Variants in USH2A observed in about 807,000 individuals in gnomAD.
USH2A encodes the protein Usher syndrome 2A (autosomal recessive, mild).
USH2A carries 443 observed loss-of-function variants against 538.9 expected under a neutral mutation model. That is an observed-to-expected ratio of 0.82 (90% confidence interval 0.76 to 0.89). The LOEUF (loss-of-function observed/expected upper bound fraction) is 0.89, where lower values mean the gene tolerates loss of function less well. Among genes scored for constraint, USH2A ranks in the 40% least tolerant of loss-of-function variants. USH2A has a pLI of 0.00. For missense variants in USH2A, 6,633 were observed against 6,324.8 expected, an observed-to-expected ratio of 1.05 and a Z score of -1.65; for synonymous variants, 2,413 against 2,273.5, an observed-to-expected ratio of 1.06 and a Z score of -1.75.
In USH2A at chr1:215,743,267, C is replaced by A; in HGVS notation, c.11458G>T (p.Ala3820Ser). ...LLNDGSVTPL[A>S]FSVGHHQSTL... Reference sequence around the variant, plus strand: ...GATTGATGATGACCAACGGAGAAGGCCAGAGGTGTTACACTTCCATCATTG... The same window carrying A: ...GATTGATGATGACCAACGGAGAAGGACAGAGGTGTTACACTTCCATCATTG... Residue 3820 changes from alanine (A) to serine (S), a missense_variant, in exon 59 of 72, where the codon GCC (alanine) becomes TCC (serine). Ala to Ser is a moderately conservative substitution (Grantham distance 99). Coordinates refer to ENST00000307340, the MANE Select transcript of USH2A (RefSeq NM_206933.4). The A allele has an allele frequency of 6.2e-7, 1 of 1,610,848 alleles. No individual in the cohort carries two copies.
chr1:216,362,512 C>T (rs1295921911), intron 4 of USH2A, among the ~76,000 whole-genome samples: 2 of 152,146 alleles, frequency 1.3e-5, no homozygotes, highest in South Asian at 2.1e-4. Context: ...CACAACCTTT[C>T]TGGAGGTAGC....
At chr1:215,982,368 A>G (rs1283385858) in intron 35 of USH2A, among the ~76,000 whole-genome samples, 1 of 152,222 alleles carries the variant, frequency 6.6e-6, no homozygotes, top group Non-Finnish European at 1.5e-5. Context: ...TTTACTTGCT[A>G]TAGGAAGCTC....
chr1:216,409,113 A>T lies in USH2A; in HGVS notation c.651+9401T>A, dbSNP rs536816272. Among the ~76,000 whole-genome samples the T allele has an allele frequency of 1.2e-4, 18 of 152,154 alleles. No individual in the cohort carries two copies. The South Asian group carries it at 3.7e-3, about 32-fold the overall frequency. ...CTACTAAATAGATTTGATTAGAAGC[A>T]GGTGAAACAATCGCCACAAAAAGAA... On this transcript the variant is annotated intron_variant, in intron 3 of 71. Coordinates refer to ENST00000307340, the MANE Select transcript of USH2A (RefSeq NM_206933.4).
chr1:216,233,954 A>G (rs527315376), intron 13 of USH2A, among the ~76,000 whole-genome samples: 1 of 152,334 alleles, frequency 6.6e-6, no homozygotes, highest in East Asian at 1.9e-4. Flanking sequence ...AAAGAATTTT[A>G]CTGAAACAAT....
At chr1:215,945,858 G>A (rs1666746772) in intron 37 of USH2A, among the ~76,000 whole-genome samples, 1 of 152,080 alleles carries the variant, frequency 6.6e-6, no homozygotes, top group African/African-American at 2.4e-5. Context: ...AATTGGAGTA[G>A]CTCACCCAAG....
intron 32 of USH2A, among the ~76,000 whole-genome samples, chr1:216,001,769 G>A (rs1668269980): frequency 6.6e-6 from 1 of 152,046 alleles, no homozygotes; most frequent in South Asian, 2.1e-4. Context: ...AAGTAAACTG[G>A]GGAAAGAACA....
chr1:215,662,891 A>G (rs1443623206), intron 64 of USH2A, among the ~76,000 whole-genome samples: 2 of 152,246 alleles, frequency 1.3e-5, no homozygotes, highest in Non-Finnish European at 2.9e-5. Flanking sequence ...AATGTGTTCA[A>G]TATGTTTTCT....
At chr1:216,065,912 A>T (rs953404324) in intron 30 of USH2A, among the ~76,000 whole-genome samples, 2 of 152,034 alleles carry the variant, frequency 1.3e-5, no homozygotes, top group Non-Finnish European at 2.9e-5. Context: ...ATAAAAAAAT[A>T]AAATAAAATA....
chr1:216,173,696 C>T (rs568398226), intron 21 of USH2A, among the ~76,000 whole-genome samples: 140 of 152,202 alleles, frequency 9.2e-4, no homozygotes, highest in Non-Finnish European at 1.6e-3. Flanking sequence ...TAACGGTGGA[C>T]GGGCCATTCT....
At chr1:216,284,254 C>G (rs111480584) in intron 11 of USH2A, among the ~76,000 whole-genome samples, 3,485 of 152,122 alleles carry the variant, frequency 0.023, 122 homozygotes, top group African/African-American at 0.074. Flanking sequence ...AATTGTAGTT[C>G]CCATAATCCC....
At chr1:216,400,919 A>C (rs2039293241) in intron 3 of USH2A, among the ~76,000 whole-genome samples, 1 of 152,160 alleles carries the variant, frequency 6.6e-6, no homozygotes, top group Non-Finnish European at 1.5e-5. Flanking sequence ...CATCAAACCC[A>C]TTCTTAAAGG....
At chr1:216,012,876 T>C (rs1400874195) in intron 32 of USH2A, among the ~76,000 whole-genome samples, 3 of 152,194 alleles carry the variant, frequency 2.0e-5, no homozygotes, top group East Asian at 3.9e-4. Flanking sequence ...ACTTAGACTG[T>C]GCCCCAAAAA....
intron 21 of USH2A, among the ~76,000 whole-genome samples, chr1:216,168,458 C>T (rs551504898): frequency 2.0e-5 from 3 of 152,238 alleles, no homozygotes; most frequent in South Asian, 2.1e-4. Context: ...CTCTATCTTA[C>T]TTATAAACTC....
At chr1:216,189,536 T>C (rs1442571252) in intron 20 of USH2A, among the ~76,000 whole-genome samples, 2 of 151,828 alleles carry the variant, frequency 1.3e-5, no homozygotes, top group African/African-American at 2.4e-5. Context: ...TGTAATCAGG[T>C]TTGTATGAAT....
chr1:216,073,848 T>C (rs1471708574), intron 27 of USH2A, among the ~76,000 whole-genome samples: 2 of 152,256 alleles, frequency 1.3e-5, no homozygotes, highest in Non-Finnish European at 2.9e-5. Flanking sequence ...AATGGCATAA[T>C]GATCACTTCA....
At chr1:215,897,775 AAG>A (rs916318487) in intron 40 of USH2A, among the ~76,000 whole-genome samples, 3 of 151,992 alleles carry the variant, frequency 2.0e-5, no homozygotes, top group South Asian at 2.1e-4. Flanking sequence ...AAGAAAGTGA[AAG>A]AGAGAGAGGG....
intron 34 of USH2A, among the ~76,000 whole-genome samples, chr1:215,996,981 G>A (rs1255925591): frequency 1.3e-5 from 2 of 151,920 alleles, no homozygotes; most frequent in Non-Finnish European, 2.9e-5. Flanking sequence ...GCTCTTAGTC[G>A]ACATGCTAAA....
intron 21 of USH2A, among the ~76,000 whole-genome samples, chr1:216,139,266 C>T (rs2033550146): frequency 6.6e-6 from 1 of 151,922 alleles, no homozygotes; most frequent in Admixed American, 6.6e-5. Flanking sequence ...CCTGAAATTG[C>T]TCCCAGGGGT....
At chr1:215,907,961 T>C (rs1253354805) in intron 38 of USH2A, among the ~76,000 whole-genome samples, 1 of 152,018 alleles carries the variant, frequency 6.6e-6, no homozygotes, top group East Asian at 1.9e-4. Flanking sequence ...CCCGAACATA[T>C]TTTCTATTTA....
Sources: allele counts gnomAD v4.1 joint callset (sites outside exome capture counted in the v4.1 genomes callset), GRCh38; gene constraint gnomAD v4.1.1; transcripts MANE v1.5; gene names NCBI Gene and HGNC (gene_info 2026-07-23, HGNC 2026-07-21).